MRRF: variants seen among roughly 807,000 people sequenced by gnomAD.
The protein encoded by MRRF is ribosome-recycling factor, mitochondrial.
MRRF carries 18 observed loss-of-function variants against 25.1 expected under a neutral mutation model. The ratio of observed to expected loss-of-function variants is 0.72; its 90% CI spans 0.50 to 1.06. The LOEUF (loss-of-function observed/expected upper bound fraction) is 1.06, where lower values mean the gene tolerates loss of function less well. Among genes scored for constraint, MRRF ranks in the 50% least tolerant of loss-of-function variants. MRRF has a pLI of 0.00. For missense variants in MRRF, 323 were observed against 319.3 expected (o/e 1.01, Z -0.09); for synonymous variants, 113 against 112.1 (o/e 1.01, Z -0.05).
chr9:122,314,200 T>G (rs1835374433), intron 6 of MRRF, among the ~76,000 whole-genome samples: 1 of 152,124 alleles, frequency 6.6e-6, no homozygotes, highest in Non-Finnish European at 1.5e-5. Context: ...CCAGCTGGGG[T>G]GTAGCTATTC....
Position 122,314,628 on chromosome 9 carries a change from T to C in MRRF, c.711+1242T>C, listed in dbSNP as rs539375845. ...TGTATTTTAAATCCTTCTCAGGTGA[T>C]TCTCATACAGTGACACACTTAAAAG... On this transcript the variant is annotated intron_variant, in intron 6 of 6. Transcript: ENST00000344641. Among the ~76,000 whole-genome samples the C allele has an allele frequency of 6.6e-5, 10 of 152,322 alleles. No homozygotes were observed. In the South Asian group the frequency reaches 2.1e-3, roughly 32 times the overall value.
chr9:122,293,661 A>T (rs1335979739), intron 5 of MRRF, among the ~76,000 whole-genome samples: 3 of 152,222 alleles, frequency 2.0e-5, no homozygotes, highest in Non-Finnish European at 2.9e-5. Context: ...TTTCTGCTTG[A>T]ACCAGATAGT....
Position 122,323,678 on chromosome 9 carries a change from A to G in MRRF, c.*1061A>G, listed in dbSNP as rs1490126499. The stretch of plus-strand genomic sequence containing the variant: ...TTTTATTCATTCATTCATTCCTAAT[A>G]TAGCCATTATGAGTTAGGTATAGTT... On this transcript the variant is annotated 3_prime_UTR_variant, in exon 7 of 7. Coordinates refer to ENST00000344641, the MANE Select transcript of MRRF (RefSeq NM_138777.5). 6.6e-6 allele frequency: 1 copy of G among 152,228 alleles called. No individual in the cohort carries two copies. Among genetic ancestry groups the G allele is most frequent in the South Asian group, 2.1e-4 (1 of 4,826 alleles). The allele number at this position is 152,228 out of a possible 1,614,324, so 9.4% of individuals were successfully genotyped here.
At chr9:122,315,114 G>C (rs1179436136) in intron 6 of MRRF, among the ~76,000 whole-genome samples, 2 of 152,022 alleles carry the variant, frequency 1.3e-5, no homozygotes, top group African/African-American at 4.8e-5. Context: ...TGGCTTCCTG[G>C]GCCCTACTCC....
In MRRF at chr9:122,280,581, A is replaced by G; in HGVS notation, c.323A>G (p.Asn108Ser). The G allele has an allele frequency of 1.2e-6, 2 of 1,613,988 alleles. No homozygotes were observed. The highest frequency in any genetic ancestry group is 1.3e-5 in the African/African-American group (1 of 75,040). ...ALKDNFNKTLNIRTSPGSLDK... is the reference protein window; with the variant it reads ...ALKDNFNKTLSIRTSPGSLDK... ...AAGGATAATTTCAATAAGACTCTCA[A>G]TATAAGGACCTCACCAGGTTAGTGA... Residue 108 changes from asparagine to serine, a missense_variant, in exon 3 of 7, where the codon AAT becomes AGT. Transcript: ENST00000344641.
At chr9:122,276,269 C>A (rs1382785397) in intron 2 of MRRF, among the ~76,000 whole-genome samples, 3 of 152,070 alleles carry the variant, frequency 2.0e-5, no homozygotes, top group Non-Finnish European at 4.4e-5. Context: ...TGTCTAAATA[C>A]AACTTTAAAT....
At chr9:122,285,114 A>C in intron 3 of MRRF, 55 bp from the exon 4 acceptor site, 1 of 1,103,954 alleles carries the variant, frequency 9.1e-7, no homozygotes, top group Non-Finnish European at 1.4e-6. Flanking sequence ...TAGGACTTAG[A>C]TTTGGGGCTA....
intron 4 of MRRF, among the ~76,000 whole-genome samples, chr9:122,288,596 G>A (rs1833558096): frequency 6.6e-6 from 1 of 152,190 alleles, no homozygotes; most frequent in African/African-American, 2.4e-5. Context: ...GTTTCTATTT[G>A]AGGTGCTGGG....
At chr9:122,266,307 C>T (rs1832080154) in intron 1 of MRRF, among the ~76,000 whole-genome samples, 1 of 152,180 alleles carries the variant, frequency 6.6e-6, no homozygotes, top group Non-Finnish European at 1.5e-5. Flanking sequence ...TGAAAGCAGA[C>T]TACAGGACAC....
chr9:122,309,039 A>G (rs183556457), intron 5 of MRRF, among the ~76,000 whole-genome samples: 1 of 152,140 alleles, frequency 6.6e-6, no homozygotes, highest in African/African-American at 2.4e-5. Flanking sequence ...ACAACTCCCC[A>G]CTTACCTCTT....
intron 2 of MRRF, among the ~76,000 whole-genome samples, chr9:122,272,473 C>T (rs1832521063): frequency 6.6e-6 from 1 of 151,328 alleles, no homozygotes; most frequent in African/African-American, 2.4e-5. Flanking sequence ...TGAGATTAGC[C>T]TGGGCAATAT....
chr9:122,313,625 T>C (rs1835336425), intron 6 of MRRF, among the ~76,000 whole-genome samples: 1 of 152,212 alleles, frequency 6.6e-6, no homozygotes, highest in African/African-American at 2.4e-5. Flanking sequence ...TTACTTCATT[T>C]ACCCTCATCA....
At chr9:122,293,465 C>G (rs1833897935) in intron 5 of MRRF, among the ~76,000 whole-genome samples, 1 of 152,166 alleles carries the variant, frequency 6.6e-6, no homozygotes, top group Non-Finnish European at 1.5e-5. Flanking sequence ...AGAATCAATC[C>G]CAACACGGGA....
chr9:122,270,689 A>G (rs1051060119), intron 1 of MRRF, 175 bp from the exon 2 acceptor site: 1 of 587,848 alleles, frequency 1.7e-6, no homozygotes, highest in African/African-American at 1.9e-5. Context: ...AAATGAGGCA[A>G]ATAATATTTT....
In MRRF at chr9:122,284,801, T is replaced by G. The variant is rs565863645; in HGVS notation, c.341-368T>G. On this transcript the variant is annotated intron_variant, in intron 3 of 6. Transcript: ENST00000344641. Reference sequence around the variant, plus strand: ...GTTGAATCTGAATTATTATTATTATTTTGAGACAAGATCTCACTCTGTTGC... The same window carrying G: ...GTTGAATCTGAATTATTATTATTATGTTGAGACAAGATCTCACTCTGTTGC... 2.6e-5 allele frequency among the ~76,000 whole-genome samples: 4 copies of G among 152,292 alleles called. No homozygotes were observed. The South Asian group carries it at 8.3e-4, about 32-fold the overall frequency.
At position 122,270,810 on chromosome 9, in the gene MRRF, A is replaced by G. The variant is rs1023912853; in HGVS notation, c.-28-54A>G. The G allele has an allele frequency of 5.6e-6, 8 of 1,422,328 alleles. No homozygotes were observed. The African/African-American group carries it at 9.8e-5, about 17-fold the overall frequency. The allele number at this position is 1,422,328 out of a possible 1,614,324, so 88.1% of individuals were successfully genotyped here. On this transcript the variant is annotated intron_variant, in intron 1 of 6. Coordinates refer to ENST00000344641, the MANE Select transcript of MRRF (RefSeq NM_138777.5). ...TTGGTACGAATTACCTGAAGTTGCAAGCTTTGTACTTAGATCTTTTACTTA... is the reference window on the plus strand; with the variant it reads ...TTGGTACGAATTACCTGAAGTTGCAGGCTTTGTACTTAGATCTTTTACTTA...
At chr9:122,265,773 G>A (rs1270620330) in intron 1 of MRRF, 2 of 1,288,484 alleles carry the variant, frequency 1.6e-6, no homozygotes, top group African/African-American at 1.5e-5. Flanking sequence ...ATGGCAGGGA[G>A]TGATAAGGTA....
Position 122,327,327 on chromosome 9 carries a change from A to G in MRRF, c.*4710A>G, listed in dbSNP as rs1295571827. On this transcript the variant is annotated 3_prime_UTR_variant, in exon 7 of 7. Coordinates refer to ENST00000344641, the MANE Select transcript of MRRF (RefSeq NM_138777.5). ...TTTGCTTGGTGCTTTTTAGTTTTCAAACTGCTTCTACATTCTTTGTTGCAT... is the reference window on the plus strand; with the variant it reads ...TTTGCTTGGTGCTTTTTAGTTTTCAGACTGCTTCTACATTCTTTGTTGCAT... 1.3e-5 allele frequency: 2 copies of G among 152,194 alleles called. No individual in the cohort carries two copies. The highest frequency in any genetic ancestry group is 2.1e-4 in the South Asian group (1 of 4,826). 9.4% of individuals were successfully genotyped at this position (152,194 alleles called of 1,614,324 possible).
intron 3 of MRRF, among the ~76,000 whole-genome samples, chr9:122,282,244 A>G (rs1009904212): frequency 1.3e-5 from 2 of 152,310 alleles, no homozygotes; most frequent in South Asian, 2.1e-4. Flanking sequence ...AGCAATTTCT[A>G]TCTCCCAGAT....
Sources: allele counts gnomAD v4.1 joint callset (sites outside exome capture counted in the v4.1 genomes callset), GRCh38; gene constraint gnomAD v4.1.1; transcripts MANE v1.5; gene names NCBI Gene and HGNC (gene_info 2026-07-23, HGNC 2026-07-21).